The following RGL1 variants were observed in gnomAD, a reference collection of about 807,000 sequenced individuals.
RGL1 encodes the protein ral guanine nucleotide dissociation stimulator-like 1.
RGL1 carries 24 observed loss-of-function variants against 95.2 expected under a neutral mutation model. The ratio of observed to expected loss-of-function variants is 0.25; its 90% confidence interval spans 0.18 to 0.35. RGL1 has a LOEUF of 0.35. RGL1 is among the 10% of genes least tolerant of loss of function. RGL1 has a pLI of 1.00. For synonymous variants in RGL1, 329 were observed against 344.9 expected (o/e 0.95, Z 0.51); for missense variants, 715 against 936.3 (o/e 0.76, Z 3.08).
At chr1:183,911,991 C>T (rs1668666577) in intron 14 of RGL1, 91 bp from the exon 15 acceptor site, 1 of 1,116,740 alleles carries the variant, frequency 9.0e-7, no homozygotes, top group Non-Finnish European at 1.3e-6. Context: ...ACTGAAAAAA[C>T]ATCAAGGGCT....
chr1:183,753,007 C>T (rs1658119794), intron 2 of RGL1, among the ~76,000 whole-genome samples: 1 of 152,122 alleles, frequency 6.6e-6, no homozygotes, highest in South Asian at 2.1e-4. Flanking sequence ...GAGGGCTTCT[C>T]AAATAGATGA....
chr1:183,896,445 A>G (rs192417460), intron 9 of RGL1, among the ~76,000 whole-genome samples: 2 of 152,340 alleles, frequency 1.3e-5, no homozygotes, highest in East Asian at 3.9e-4. Flanking sequence ...AAGAACTTAA[A>G]TAGGTAATGA....
chr1:183,692,935 T>A (rs1439379057), intron 1 of RGL1, among the ~76,000 whole-genome samples: 1 of 151,756 alleles, frequency 6.6e-6, no homozygotes, highest in Non-Finnish European at 1.5e-5. Context: ...AAGCAAAAAA[T>A]GCTAGCAGGG....
At chr1:183,759,866 T>C (rs1268571003) in intron 2 of RGL1, among the ~76,000 whole-genome samples, 1 of 152,252 alleles carries the variant, frequency 6.6e-6, no homozygotes, top group African/African-American at 2.4e-5. Context: ...TATTAGAATG[T>C]GCTCAAGTAT....
At chr1:183,769,846 G>A (rs1337410127) in intron 2 of RGL1, among the ~76,000 whole-genome samples, 1 of 152,294 alleles carries the variant, frequency 6.6e-6, no homozygotes, top group East Asian at 1.9e-4. Context: ...AAAACATCAT[G>A]TATTAACCAG....
chr1:183,915,803 G>A (rs910695055), intron 15 of RGL1, among the ~76,000 whole-genome samples: 1 of 152,184 alleles, frequency 6.6e-6, no homozygotes, highest in African/African-American at 2.4e-5. Context: ...CCATGTGCTT[G>A]CTCTGGGAAC....
intron 1 of RGL1, among the ~76,000 whole-genome samples, chr1:183,737,123 CACTT>C (rs1310452161): frequency 6.6e-6 from 1 of 152,102 alleles, no homozygotes; most frequent in African/African-American, 2.4e-5. Flanking sequence ...TGTGTCCTAG[CACTT>C]ACTTTTAAAG....
At chr1:183,920,656 T>A (rs985613565) in intron 16 of RGL1, among the ~76,000 whole-genome samples, 2 of 152,242 alleles carry the variant, frequency 1.3e-5, no homozygotes, top group Non-Finnish European at 2.9e-5. Flanking sequence ...GTCTTCTCCT[T>A]TAGCTTTCTG....
At chr1:183,919,288 GTTTTGTTTTTGT>G (rs1449858348) in intron 16 of RGL1, among the ~76,000 whole-genome samples, 1 of 152,018 alleles carries the variant, frequency 6.6e-6, no homozygotes, top group Non-Finnish European at 1.5e-5. Flanking sequence ...GCTTTGTTTT[GTTTTGTTTTTGT>G]TTTTACTGTG....
chr1:183,836,230 A>G (rs898004696), intron 2 of RGL1, among the ~76,000 whole-genome samples: 13 of 152,120 alleles, frequency 8.5e-5, no homozygotes, highest in Non-Finnish European at 1.9e-4. Flanking sequence ...ATTAAGAAAA[A>G]AAGCCAGTTT....
chr1:183,716,019 C>T (rs1228418679), intron 1 of RGL1, among the ~76,000 whole-genome samples: 1 of 152,186 alleles, frequency 6.6e-6, no homozygotes, highest in Admixed American at 6.5e-5. Context: ...GGATGAGGCT[C>T]ACCCACATTG....
At chr1:183,812,392 A>C (rs778288833) in intron 2 of RGL1, among the ~76,000 whole-genome samples, 1 of 152,148 alleles carries the variant, frequency 6.6e-6, no homozygotes, top group Non-Finnish European at 1.5e-5. Context: ...AAACACATCC[A>C]GTGTGAACTC....
At chr1:183,867,375 A>G (rs1209861293) in intron 4 of RGL1, among the ~76,000 whole-genome samples, 2 of 152,080 alleles carry the variant, frequency 1.3e-5, no homozygotes, top group African/African-American at 4.8e-5. Context: ...TGTCCCCAGA[A>G]GACAAGCAAA....
chr1:183,786,893 T>C lies in RGL1; in HGVS notation c.133-19482T>C, dbSNP rs527503133. Among the ~76,000 whole-genome samples the C allele has an allele frequency of 1.5e-4, 23 of 152,326 alleles. 1 individual carries two copies. The highest frequency in any genetic ancestry group is 3.9e-4 in the East Asian group (2 of 5,184). On this transcript the variant is annotated intron_variant, in intron 2 of 18. Coordinates refer to the RGL1 transcript ENST00000304685. The stretch of plus-strand genomic sequence containing the variant: ...GCTCATTGTGAGTATTAGGGGAATA[T>C]ATGTAGAAGCATCTTGCAAATTGAA...
At chr1:183,636,329 C>T (rs1054228333) in exon 1 of RGL1, 1 of 396,436 alleles carries the variant, frequency 2.5e-6, no homozygotes, top group African/African-American at 2.1e-5. Context: ...GAGACATTGC[C>T]TCAGACTGTG....
rs368885519 is a variant in RGL1, at chr1:183,880,669, G to A, written c.479G>A (p.Arg160Gln). ...AWLDQCAEDF[R>Q]EPPHFPCLQK... ...CTTGACCAGTGTGCAGAAGACTTCCGAGAGCCCCCTCACTTCCCTTGCTTA... is the reference window on the plus strand; with the variant it reads ...CTTGACCAGTGTGCAGAAGACTTCCAAGAGCCCCCTCACTTCCCTTGCTTA... Residue 160 changes from arginine (R) to glutamine (Q), a missense_variant, in exon 5 of 18, where the codon CGA becomes CAA. Around this residue, in one of 3 missense-constraint regions of RGL1, gnomAD observed 381 missense variants for 484.8 expected, o/e 0.79. Coordinates refer to ENST00000360851, the MANE Select transcript of RGL1 (RefSeq NM_001297671.3). 6.8e-6 allele frequency: 11 copies of A among 1,613,782 alleles called. No individual in the cohort carries two copies. The highest frequency in any genetic ancestry group is 4.4e-5 in the South Asian group (4 of 91,078).
chr1:183,772,626 A>G (rs563744958), intron 2 of RGL1, among the ~76,000 whole-genome samples: 12 of 152,314 alleles, frequency 7.9e-5, no homozygotes, highest in African/African-American at 2.9e-4. Context: ...GGTCTACAGG[A>G]AAGTTTGCTG....
chr1:183,694,005 G>T (rs1654112822), intron 1 of RGL1, among the ~76,000 whole-genome samples: 1 of 152,142 alleles, frequency 6.6e-6, no homozygotes, highest in East Asian at 1.9e-4. Context: ...AAATTGTGAA[G>T]GGCTGCTATG....
At chr1:183,663,126 C>T (rs1256138846) in intron 1 of RGL1, among the ~76,000 whole-genome samples, 2 of 151,636 alleles carry the variant, frequency 1.3e-5, no homozygotes, top group Non-Finnish European at 2.9e-5. Context: ...AAAACCTAGG[C>T]ATTACCATTC....
Sources: allele counts gnomAD v4.1 joint callset (sites outside exome capture counted in the v4.1 genomes callset), GRCh38; gene constraint gnomAD v4.1.1; regional missense constraint gnomAD v4.1.1; transcripts MANE v1.5; gene names NCBI Gene and HGNC (gene_info 2026-07-23, HGNC 2026-07-21).